The following MEIKIN variants were observed in gnomAD, a reference collection of about 807,000 sequenced individuals.
The protein encoded by MEIKIN is meiosis-specific kinetochore protein.
At position 131,844,665 on chromosome 5, in the gene MEIKIN, A is replaced by G. The variant is rs142404124; in HGVS notation, c.975+6599T>C. Reference sequence around the variant, plus strand: ...ACGAAGAAACTATCTGAGGCCAGTAAAAGAACTATCTGAAAAGATTAGCAG... The same window carrying G: ...ACGAAGAAACTATCTGAGGCCAGTAGAAGAACTATCTGAAAAGATTAGCAG... On this transcript the variant is annotated intron_variant, in intron 11 of 12. Transcript: ENST00000442687. Among the ~76,000 whole-genome samples, 158 of 152,350 alleles carry G rather than the reference A, an allele frequency of 1.0e-3. 1 individual carries two copies. Among genetic ancestry groups the G allele is most frequent in the African/African-American group, 3.6e-3 (151 of 41,586 alleles).
chr5:131,921,979 C>CA (rs1171501677), intron 5 of MEIKIN, 38 bp from the exon 6 acceptor site: 14 of 398,428 alleles, frequency 3.5e-5, no homozygotes, highest in Non-Finnish European at 5.8e-5. Context: ...AGACTTTGAA[C>CA]AACAGCCTAC....
intron 11 of MEIKIN, among the ~76,000 whole-genome samples, chr5:131,841,764 T>C (rs1013092791): frequency 3.3e-5 from 5 of 152,348 alleles, no homozygotes; most frequent in African/African-American, 9.6e-5. Flanking sequence ...ATTTCTTTCA[T>C]TAATGTCTTA....
At chr5:131,900,914 T>C (rs1041204769) in intron 8 of MEIKIN, among the ~76,000 whole-genome samples, 2 of 152,194 alleles carry the variant, frequency 1.3e-5, no homozygotes, top group African/African-American at 4.8e-5. Context: ...TGTGCGGCTT[T>C]GCCTGCACAC....
chr5:131,899,538 G>A (rs575302010), intron 8 of MEIKIN, among the ~76,000 whole-genome samples: 104 of 139,754 alleles, frequency 7.4e-4, no homozygotes, highest in African/African-American at 2.6e-3. Flanking sequence ...TGGTTGAATG[G>A]ATTTAAAAAA....
intron 8 of MEIKIN, among the ~76,000 whole-genome samples, chr5:131,880,263 T>TA (rs1364469264): frequency 1.1e-5 from 1 of 87,466 alleles, no homozygotes; most frequent in Non-Finnish European, 2.5e-5. Context: ...CTAATTTTTG[T>TA]ATTTTTTTTT....
chr5:131,827,447 G>C (rs1001935705), intron 11 of MEIKIN, among the ~76,000 whole-genome samples: 3 of 152,114 alleles, frequency 2.0e-5, no homozygotes, highest in African/African-American at 7.2e-5. Context: ...TTAAAAGACA[G>C]AGCTTGTCAG....
chr5:131,929,882 G>A (rs1178016327), intron 5 of MEIKIN, among the ~76,000 whole-genome samples: 1 of 152,160 alleles, frequency 6.6e-6, no homozygotes, highest in South Asian at 2.1e-4. Context: ...TTATTTCTGT[G>A]TAGTATTCCA....
intron 8 of MEIKIN, among the ~76,000 whole-genome samples, chr5:131,894,557 T>C (rs1750999899): frequency 6.6e-6 from 1 of 152,206 alleles, no homozygotes; most frequent in Non-Finnish European, 1.5e-5. Flanking sequence ...CATTTGTTTG[T>C]GTCTTCTTTT....
chr5:131,860,531 C>T (rs193265024), intron 9 of MEIKIN, among the ~76,000 whole-genome samples: 9 of 151,196 alleles, frequency 6.0e-5, no homozygotes, highest in East Asian at 1.9e-4. Flanking sequence ...CTGCAACCTC[C>T]GCCTCCCAGG....
At chr5:131,814,705 T>C (rs1367344961) in intron 12 of MEIKIN, among the ~76,000 whole-genome samples, 3 of 152,198 alleles carry the variant, frequency 2.0e-5, no homozygotes, top group African/African-American at 7.2e-5. Context: ...TATAGGATAA[T>C]CAAGTCTGTG....
chr5:131,903,475 G>T (rs1751192322), intron 8 of MEIKIN, among the ~76,000 whole-genome samples: 1 of 152,194 alleles, frequency 6.6e-6, no homozygotes, highest in African/African-American at 2.4e-5. Flanking sequence ...CCATAAGCCA[G>T]AAGAGAATGG....
intron 11 of MEIKIN, among the ~76,000 whole-genome samples, chr5:131,819,194 T>A (rs767888454): frequency 6.6e-6 from 1 of 152,096 alleles, no homozygotes; most frequent in Non-Finnish European, 1.5e-5. Context: ...AAAGTTTGCA[T>A]GATTTATTGA....
chr5:131,852,572 CAT>C (rs527760317), intron 10 of MEIKIN, among the ~76,000 whole-genome samples: 90 of 152,166 alleles, frequency 5.9e-4, no homozygotes, highest in African/African-American at 1.7e-3. Context: ...CAAAACGCCA[CAT>C]GTTATATGAT....
intron 11 of MEIKIN, among the ~76,000 whole-genome samples, chr5:131,823,472 ACT>A (rs1248370356): frequency 2.0e-5 from 3 of 151,342 alleles, no homozygotes; most frequent in Middle Eastern, 3.4e-3. Context: ...CTGTTAAGAG[ACT>A]CTGATGCATT....
At chr5:131,850,742 T>C (rs1750101405) in intron 11 of MEIKIN, among the ~76,000 whole-genome samples, 1 of 151,730 alleles carries the variant, frequency 6.6e-6, no homozygotes. Context: ...TACAGGGCAA[T>C]AGCCTGGGCA....
intron 12 of MEIKIN, among the ~76,000 whole-genome samples, chr5:131,817,923 T>C (rs1773132081): frequency 6.6e-6 from 1 of 152,186 alleles, no homozygotes; most frequent in African/African-American, 2.4e-5. Context: ...AATTAGACAT[T>C]CTGGCTGAAG....
At chr5:131,933,919 T>C (rs1183240615) in intron 4 of MEIKIN, among the ~76,000 whole-genome samples, 1 of 152,178 alleles carries the variant, frequency 6.6e-6, no homozygotes, top group Non-Finnish European at 1.5e-5. Flanking sequence ...TTTGGTTCAG[T>C]TGTGATTCTT....
chr5:131,831,053 G>A (rs1012538810), intron 11 of MEIKIN, among the ~76,000 whole-genome samples: 1 of 152,092 alleles, frequency 6.6e-6, no homozygotes, highest in Non-Finnish European at 1.5e-5. Flanking sequence ...GTGCGCCATT[G>A]CACCTGGCTA....
At chr5:131,887,922 A>T (rs1580891211) in intron 8 of MEIKIN, among the ~76,000 whole-genome samples, 1 of 117,506 alleles carries the variant, frequency 8.5e-6, no homozygotes, top group Admixed American at 1.1e-4. Flanking sequence ...ATGTGTTCTC[A>T]CTGTTCAATT....
Sources: gnomAD v4.1 joint callset for allele counts (sites outside exome capture counted in the v4.1 genomes callset) on GRCh38, gnomAD v4.1.1 for gene constraint, MANE v1.5 for transcripts, NCBI Gene and HGNC (gene_info 2026-07-23, HGNC 2026-07-21) for gene names.